FARS2: variants seen among roughly 807,000 people sequenced by gnomAD.
FARS2 encodes phenylalanine--tRNA ligase, mitochondrial.
A neutral mutation model predicts 46.4 loss-of-function variants in FARS2; 40 were observed. That is an observed-to-expected ratio of 0.86 (90% confidence interval 0.67 to 1.12). FARS2 has a LOEUF of 1.12. Among genes scored for constraint, FARS2 ranks in the 50% most tolerant of loss-of-function variants. The pLI is 0.00. For missense variants in FARS2, 513 were observed against 567.9 expected, an observed-to-expected ratio of 0.90 and a Z score of 0.98; for synonymous variants, 234 against 214.9, an observed-to-expected ratio of 1.09 and a Z score of -0.78.
chr6:5,551,600 A>G (rs1323591402), intron 5 of FARS2, among the ~76,000 whole-genome samples: 1 of 152,220 alleles, frequency 6.6e-6, no homozygotes, highest in Non-Finnish European at 1.5e-5. Flanking sequence ...TTGCTGCTAT[A>G]ATAAATTACC....
rs145309976 is a variant in FARS2, at chr6:5,358,065, T to C, written c.-21-10485T>C. Reference sequence around the variant, plus strand: ...GACTTCATTTAGAGAATCTTATAAATAATCAATTTATTTAGAATATTCAGG... The same window carrying C: ...GACTTCATTTAGAGAATCTTATAAACAATCAATTTATTTAGAATATTCAGG... On this transcript the variant is annotated intron_variant, in intron 1 of 6. Transcript: ENST00000274680. 6.7e-4 allele frequency among the ~76,000 whole-genome samples: 102 copies of C among 152,322 alleles called. 1 individual carries two copies. Among genetic ancestry groups the C allele is most frequent in the African/African-American group, 2.4e-3 (99 of 41,572 alleles).
the FARS2 span, among the ~76,000 whole-genome samples, chr6:5,251,877 G>A: frequency 1.3e-5 from 2 of 152,182 alleles, no homozygotes; most frequent in Non-Finnish European, 2.9e-5. Context: ...CCCACTCCAG[G>A]AGCTCATGGT....
intron 2 of FARS2, chr6:5,371,268 A>G: frequency 2.8e-6 from 2 of 725,440 alleles, no homozygotes; most frequent in African/African-American, 1.9e-5. Context: ...TTAACTCTAA[A>G]CAAAATGTTT....
intron 1 of FARS2, among the ~76,000 whole-genome samples, chr6:5,296,265 C>T (rs1767866272): frequency 6.7e-6 from 1 of 150,044 alleles, no homozygotes; most frequent in South Asian, 2.1e-4. Context: ...CCTCAGCCTC[C>T]TGAGTAGCTG....
At chr6:5,252,550 T>A in the FARS2 span, among the ~76,000 whole-genome samples, 3 of 152,246 alleles carry the variant, frequency 2.0e-5, no homozygotes, top group Non-Finnish European at 4.4e-5. Flanking sequence ...TGTCCACCTC[T>A]GTGGCTGACA....
intron 4 of FARS2, among the ~76,000 whole-genome samples, chr6:5,491,498 T>C (rs549687389): frequency 6.6e-6 from 1 of 152,166 alleles, no homozygotes; most frequent in Non-Finnish European, 1.5e-5. Flanking sequence ...CATGCGCCAT[T>C]GATGGTAATC....
rs1470259150 is a variant in FARS2 at position 5,281,354 on chromosome 6, C to T, written c.-22+19694C>T. Among the ~76,000 whole-genome samples the T allele has an allele frequency of 7.9e-5, 12 of 152,062 alleles. 1 individual carries two copies. The highest frequency in any genetic ancestry group is 6.2e-4 in the South Asian group (3 of 4,824). On this transcript the variant is annotated intron_variant, in intron 1 of 6. Coordinates refer to ENST00000274680, the MANE Select transcript of FARS2 (RefSeq NM_006567.5). ...TCTTTCACTTATTTTGTCTTATTTC[C>T]GTCTTTAAATTAGAAATGAAAAGAA...
intron 1 of FARS2, among the ~76,000 whole-genome samples, chr6:5,292,878 G>A (rs999231530): frequency 2.6e-5 from 4 of 152,186 alleles, no homozygotes; most frequent in African/African-American, 9.7e-5. Context: ...TAGGGATGAT[G>A]GAAGATCCTT....
chr6:5,463,275 A>G (rs1257680089), intron 4 of FARS2, among the ~76,000 whole-genome samples: 5 of 152,162 alleles, frequency 3.3e-5, no homozygotes, highest in African/African-American at 9.7e-5. Context: ...TATTCCTAGT[A>G]CATATAAATA....
At chr6:5,740,381 C>A (rs1021619038) in intron 6 of FARS2, among the ~76,000 whole-genome samples, 3 of 152,070 alleles carry the variant, frequency 2.0e-5, no homozygotes, top group Non-Finnish European at 4.4e-5. Context: ...ATACATGTGA[C>A]CTTTGAGGCC....
chr6:5,669,438 G>A (rs58455869), intron 6 of FARS2, among the ~76,000 whole-genome samples: 5,462 of 151,486 alleles, frequency 0.036, 359 homozygotes, highest in African/African-American at 0.12. Flanking sequence ...AGCACCAAGG[G>A]TTAGTGTGCC....
At chr6:5,464,568 A>G (rs1034686327) in intron 4 of FARS2, among the ~76,000 whole-genome samples, 3 of 152,084 alleles carry the variant, frequency 2.0e-5, no homozygotes, top group Admixed American at 6.6e-5. Flanking sequence ...CCTTTACTCA[A>G]TTGCCAGGAA....
intron 1 of FARS2, among the ~76,000 whole-genome samples, chr6:5,337,385 C>A (rs2127586662): frequency 6.6e-6 from 1 of 152,216 alleles, no homozygotes; most frequent in African/African-American, 2.4e-5. Context: ...TTTCCTCTTT[C>A]TTCTGCAGAC....
At chr6:5,431,767 C>T (rs1423724689) in intron 4 of FARS2, 1 of 498,838 alleles carries the variant, frequency 2.0e-6, no homozygotes, top group Non-Finnish European at 4.1e-6. Context: ...TGGCTCTTTT[C>T]TGTAAGACCA....
chr6:5,585,159 C>T (rs1773547107), intron 5 of FARS2, among the ~76,000 whole-genome samples: 1 of 151,954 alleles, frequency 6.6e-6, no homozygotes, highest in African/African-American at 2.4e-5. Flanking sequence ...TTCTATTTTG[C>T]TGGTTTTTAT....
chr6:5,497,582 CT>C (rs1320556126), intron 4 of FARS2, among the ~76,000 whole-genome samples: 5 of 152,250 alleles, frequency 3.3e-5, no homozygotes, highest in African/African-American at 1.2e-4. Flanking sequence ...CATTTCACAC[CT>C]TCAGTTAAAA....
At chr6:5,484,671 A>G (rs1472390177) in intron 4 of FARS2, among the ~76,000 whole-genome samples, 1 of 152,246 alleles carries the variant, frequency 6.6e-6, no homozygotes, top group East Asian at 1.9e-4. Context: ...GGTGAAAAAG[A>G]AAAGGATAGT....
At chr6:5,379,806 C>T (rs1239823131) in intron 2 of FARS2, among the ~76,000 whole-genome samples, 1 of 152,180 alleles carries the variant, frequency 6.6e-6, no homozygotes, top group Non-Finnish European at 1.5e-5. Flanking sequence ...GCAGGGTGCC[C>T]AGTAAGAATA....
intron 5 of FARS2, among the ~76,000 whole-genome samples, chr6:5,564,226 T>C (rs573232473): frequency 3.0e-4 from 45 of 152,264 alleles, no homozygotes; most frequent in Admixed American, 6.5e-4. Flanking sequence ...GGGTAGGTAA[T>C]TTCCATCTAA....
Sources: allele counts gnomAD v4.1 joint callset (sites outside exome capture counted in the v4.1 genomes callset), GRCh38; gene constraint gnomAD v4.1.1; transcripts MANE v1.5; gene names NCBI Gene and HGNC (gene_info 2026-07-23, HGNC 2026-07-21).